Variants in KCNJ3 observed in about 807,000 individuals in gnomAD.
KCNJ3 encodes the protein G protein-activated inward rectifier potassium channel 1.
KCNJ3 carries 4 observed loss-of-function variants against 39.2 expected under a neutral mutation model. The observed-to-expected ratio is 0.10, with a 90% confidence interval of 0.05 to 0.23. KCNJ3 has a LOEUF of 0.23. Among genes scored for constraint, KCNJ3 ranks in the 10% least tolerant of loss-of-function variants. The pLI is 1.00. For synonymous variants in KCNJ3, 230 were observed against 237.4 expected, an observed-to-expected ratio of 0.97 and a Z score of 0.29; for missense variants, 276 against 634.9, an observed-to-expected ratio of 0.43 and a Z score of 6.08.
At chr2:154,711,419 A>T (rs1685100550) in intron 2 of KCNJ3, among the ~76,000 whole-genome samples, 1 of 152,076 alleles carries the variant, frequency 6.6e-6, no homozygotes, top group South Asian at 2.1e-4. Context: ...CTCATCACTG[A>T]CATTAATGCA....
intron 2 of KCNJ3, among the ~76,000 whole-genome samples, chr2:154,740,947 A>G (rs1293300035): frequency 6.6e-6 from 1 of 151,906 alleles, no homozygotes; most frequent in Non-Finnish European, 1.5e-5. Flanking sequence ...ATAGCTGAAT[A>G]TTTCACTCAG....
intron 2 of KCNJ3, among the ~76,000 whole-genome samples, chr2:154,737,299 G>A (rs1046504223): frequency 6.6e-6 from 1 of 152,162 alleles, no homozygotes; most frequent in African/African-American, 2.4e-5. Context: ...GCTTAAAAAG[G>A]TTTAAAAGTA....
rs537909751 is a variant in KCNJ3, at chr2:154,751,005, A to T, written c.919+41186A>T. 4.3e-4 allele frequency among the ~76,000 whole-genome samples: 66 copies of T among 152,054 alleles called. 1 individual carries two copies. In the South Asian group the frequency reaches 0.013, roughly 30 times the overall value. ...GTTATCTATATTGCTTTATAATAAT[A>T]ACTTAAGGGTGAGGGATAAAAGACT... On this transcript the variant is annotated intron_variant, in intron 2 of 2. Transcript: ENST00000295101.
intron 2 of KCNJ3, among the ~76,000 whole-genome samples, chr2:154,851,510 G>T: frequency 6.6e-6 from 1 of 152,138 alleles, no homozygotes; most frequent in East Asian, 1.9e-4. Flanking sequence ...AAGATATGTT[G>T]TTATCTCTAG....
intron 2 of KCNJ3, among the ~76,000 whole-genome samples, chr2:154,776,238 G>A (rs1428519099): frequency 6.6e-6 from 1 of 152,068 alleles, no homozygotes; most frequent in East Asian, 1.9e-4. Context: ...CTGCCCTCAG[G>A]TGATCTGCCT....
chr2:154,814,295 G>A (rs903909265), intron 2 of KCNJ3, among the ~76,000 whole-genome samples: 2 of 152,030 alleles, frequency 1.3e-5, no homozygotes, highest in East Asian at 1.9e-4. Context: ...CTAATATAAC[G>A]TATAAGTATA....
chr2:154,737,264 C>G (rs1685564534), intron 2 of KCNJ3, among the ~76,000 whole-genome samples: 1 of 152,136 alleles, frequency 6.6e-6, no homozygotes, highest in Non-Finnish European at 1.5e-5. Flanking sequence ...AAAATTATCT[C>G]TAGATTGAAG....
chr2:154,719,066 T>G (rs2105158578), intron 2 of KCNJ3, among the ~76,000 whole-genome samples: 1 of 152,332 alleles, frequency 6.6e-6, no homozygotes, highest in East Asian at 1.9e-4. Context: ...AGATGAGGTC[T>G]TGGGACTACC....
At chr2:154,733,125 G>T (rs897862508) in intron 2 of KCNJ3, among the ~76,000 whole-genome samples, 4 of 151,998 alleles carry the variant, frequency 2.6e-5, no homozygotes, top group South Asian at 2.1e-4. Context: ...AACCCATATT[G>T]GGTGTTGAAA....
rs1275532181 is a variant in KCNJ3 at position 154,698,853 on chromosome 2, C to G, written c.78C>G (p.Pro26=). The G allele has an allele frequency of 5.0e-6, 8 of 1,614,048 alleles. No individual in the cohort carries two copies. The highest frequency in any genetic ancestry group is 1.7e-5 in the Admixed American group (1 of 60,014). The change falls in exon 1 of 3, where the codon CCC becomes CCG. Residue 26 remains proline (P), a synonymous_variant. Coordinates refer to ENST00000295101, the MANE Select transcript of KCNJ3 (RefSeq NM_002239.4). The part of the protein sequence containing the change: ...TTSSSGSGLQ[P]QGPGQDPQQQ... ...CGTCCAGCGGCTCGGGCTTGCAGCC[C>G]CAGGGGCCAGGCCAGGACCCTCAGC...
intron 2 of KCNJ3, among the ~76,000 whole-genome samples, chr2:154,819,160 A>G (rs1687129697): frequency 6.6e-6 from 1 of 152,064 alleles, no homozygotes. Context: ...AAAAAAGACC[A>G]TGAGATAACT....
At chr2:154,750,510 T>C (rs1340442113) in intron 2 of KCNJ3, among the ~76,000 whole-genome samples, 2 of 152,024 alleles carry the variant, frequency 1.3e-5, no homozygotes, top group African/African-American at 4.8e-5. Context: ...TAAATTCTTA[T>C]CTTGAAATTA....
At chr2:154,838,967 T>C (rs1687521263) in intron 2 of KCNJ3, among the ~76,000 whole-genome samples, 1 of 152,230 alleles carries the variant, frequency 6.6e-6, no homozygotes, top group Admixed American at 6.5e-5. Flanking sequence ...TTTATTATAC[T>C]TTAAGTTCTA....
chr2:154,846,779 T>TATTA (rs1479989156), intron 2 of KCNJ3, among the ~76,000 whole-genome samples: 1 of 96,738 alleles, frequency 1.0e-5, no homozygotes, highest in Non-Finnish European at 2.3e-5. Flanking sequence ...GTTAAAAATC[T>TATTA]ATTATTTCTT....
rs574379657 is a variant in KCNJ3 at position 154,843,891 on chromosome 2, C to T, written c.920-10836C>T. On this transcript the variant is annotated intron_variant, in intron 2 of 2. Coordinates refer to ENST00000295101, the MANE Select transcript of KCNJ3 (RefSeq NM_002239.4). The stretch of plus-strand genomic sequence containing the variant: ...CTTCCTTGCTATGGGTTCTAACATC[C>T]TCCTTTAGCTCAGAGAAGTTTGTTA... 1.1e-3 allele frequency among the ~76,000 whole-genome samples: 162 copies of T among 152,262 alleles called. 1 individual carries two copies. The highest frequency in any genetic ancestry group is 3.7e-3 in the South Asian group (18 of 4,830).
At chr2:154,734,936 A>C (rs1685501628) in intron 2 of KCNJ3, among the ~76,000 whole-genome samples, 2 of 152,238 alleles carry the variant, frequency 1.3e-5, no homozygotes, top group Non-Finnish European at 2.9e-5. Context: ...CAGAAAACAG[A>C]GAAAAAGGGA....
chr2:154,739,577 A>G (rs898421187), intron 2 of KCNJ3, among the ~76,000 whole-genome samples: 1 of 152,046 alleles, frequency 6.6e-6, no homozygotes, highest in Non-Finnish European at 1.5e-5. Flanking sequence ...TACTCCCCAG[A>G]GACTCCCAAC....
intron 2 of KCNJ3, among the ~76,000 whole-genome samples, chr2:154,740,160 G>C (rs1168276225): frequency 6.6e-6 from 1 of 152,006 alleles, no homozygotes; most frequent in Non-Finnish European, 1.5e-5. Flanking sequence ...GCTTGTCAGT[G>C]TATTGTTAAA....
intron 2 of KCNJ3, among the ~76,000 whole-genome samples, chr2:154,801,065 G>C (rs113977203): frequency 3.9e-5 from 6 of 152,160 alleles, no homozygotes; most frequent in South Asian, 2.1e-4. Context: ...AGCAGGTACA[G>C]TGTAGTATTA....
Sources: allele counts gnomAD v4.1 joint callset (sites outside exome capture counted in the v4.1 genomes callset), GRCh38; gene constraint gnomAD v4.1.1; transcripts MANE v1.5; gene names NCBI Gene and HGNC (gene_info 2026-07-23, HGNC 2026-07-21).